The following DKC1 variants were observed in gnomAD, a reference collection of about 807,000 sequenced individuals.
DKC1 encodes H/ACA ribonucleoprotein complex subunit DKC1.
In DKC1, 4 loss-of-function variants were observed where a neutral mutation model predicts 46.7. That is an observed-to-expected ratio of 0.09 (90% CI 0.04 to 0.20). The LOEUF (loss-of-function observed/expected upper bound fraction) is 0.20. Among genes scored for constraint, DKC1 ranks in the 10% least tolerant of loss-of-function variants. The pLI is 1.00. For synonymous variants in DKC1, 141 were observed against 142.4 expected, an observed-to-expected ratio of 0.99 and a Z score of 0.07; for missense variants, 171 against 404.2, an observed-to-expected ratio of 0.42 and a Z score of 4.95.
chrX:154,764,795 AC>A (rs1261916819), intron 1 of DKC1, 103 bp from the exon 2 acceptor site: 2 of 582,128 alleles, frequency 3.4e-6, no homozygotes, highest in East Asian at 3.4e-5. Flanking sequence ...GTAATTGTAG[AC>A]CTAAAATCCA....
chrX:154,776,779 T>C lies in DKC1; in HGVS notation c.1477-20T>C. 8.3e-7 allele frequency: 1 copy of C among 1,198,995 alleles called. No homozygotes were observed. Among genetic ancestry groups the C allele is most frequent in the Admixed American group, 2.2e-5 (1 of 45,836 alleles). On this transcript the variant is annotated intron_variant, in intron 14 of 14. Coordinates refer to ENST00000369550, the MANE Select transcript of DKC1 (RefSeq NM_001363.5). ...TGTTAGTGGATGGTATCTGTGAGCT[T>C]TCATTCTCTTTCTTTCTAGGACAGT...
chrX:154,763,013 C>T (rs1317179222), intron 1 of DKC1, 32 bp downstream of exon 1: 1 of 1,166,076 alleles, frequency 8.6e-7, no homozygotes, highest in Admixed American at 2.5e-5. Flanking sequence ...GCCGTGCTAA[C>T]TCCGGGCGAC....
Position 154,773,256 on chromosome X carries a change from G to T in DKC1, c.1155+7G>T. On this transcript the variant is annotated splice_region_variant and intron_variant, in intron 11 of 14. Coordinates refer to ENST00000369550, the MANE Select transcript of DKC1 (RefSeq NM_001363.5). ...GTGGGGTTTAGGTCCAAAGGTAAGT[G>T]GTACTGGGTTGCGTGCCCTGCCAGG... 1 of 1,036,202 alleles carries T rather than the reference G, an allele frequency of 9.7e-7. No individual in the cohort carries two copies. Among genetic ancestry groups the T allele is most frequent in the Non-Finnish European group, 1.3e-6 (1 of 744,435 alleles). 85.4% of individuals were successfully genotyped at this position (1,036,202 alleles called of 1,213,427 possible).
At chrX:154,774,784 A>C (rs782640773) in intron 12 of DKC1, 79 bp downstream of exon 12, 1 of 884,188 alleles carries the variant, frequency 1.1e-6, no homozygotes, top group African/African-American at 2.0e-5. Context: ...TGTCAACAAC[A>C]GGTGAGGATG....
At position 154,764,209 on chromosome X, in the gene DKC1, TATATATGTATGTA is replaced by T. The variant is rs1345605387; in HGVS notation, c.17-689_17-677del. 4.6e-5 allele frequency among the ~76,000 whole-genome samples: 5 copies of T among 107,887 alleles called. No individual in the cohort carries two copies. The East Asian group carries it at 1.4e-3, about 30-fold the overall frequency. 93.7% of individuals were successfully genotyped at this position (107,887 alleles called of 115,157 possible). On this transcript the variant is annotated intron_variant, in intron 1 of 14. Transcript: ENST00000369550. ...AATATGTGTGTGTATATATGTATAT[TATATATGTATGTA>T]TTATATGTATGTATATTATATATAT...
chrX:154,765,028 T>C, intron 2 of DKC1, 62 bp downstream of exon 2: 2 of 969,131 alleles, frequency 2.1e-6, no homozygotes, highest in Admixed American at 4.4e-5. Flanking sequence ...AATAACAAAC[T>C]AAAGGAAAGA....
intron 9 of DKC1, among the ~76,000 whole-genome samples, chrX:154,770,118 C>T (rs2071802193): frequency 9.0e-6 from 1 of 111,606 alleles, no homozygotes; most frequent in Non-Finnish European, 1.9e-5. Flanking sequence ...TGTTCTTTCT[C>T]CTCATAAGGA....
In DKC1 at chrX:154,770,677, CTTG is replaced by C; in HGVS notation, c.916-77_916-75del. ...GTTTCCTGGTGTCAGGCCCCACTCC[CTTG>C]TTGTCCTCCTTTACTCTGGTGTGGG... On this transcript the variant is annotated intron_variant, in intron 9 of 14. Coordinates refer to ENST00000369550, the MANE Select transcript of DKC1 (RefSeq NM_001363.5). 5.9e-6 allele frequency: 7 copies of C among 1,178,142 alleles called. No individual in the cohort carries two copies. The South Asian group carries it at 1.1e-4, about 18-fold the overall frequency.
At chrX:154,766,553 C>T in intron 5 of DKC1, 153 bp downstream of exon 5, 1 of 547,345 alleles carries the variant, frequency 1.8e-6, no homozygotes, top group Non-Finnish European at 2.9e-6. Flanking sequence ...GTTCTGTCCC[C>T]TGCCAGATCT....
At position 154,768,139 on chromosome X, in the gene DKC1, C is replaced by T. The variant is rs111807979; in HGVS notation, c.641-163C>T. ...TGCTGGAATTACAGGCGTGAGCCACCGTGCCTGGCCAGAATTACAGATCTT... is the reference window on the plus strand; with the variant it reads ...TGCTGGAATTACAGGCGTGAGCCACTGTGCCTGGCCAGAATTACAGATCTT... On this transcript the variant is annotated intron_variant, in intron 7 of 14. Transcript: ENST00000369550. 0.059 allele frequency: 39,424 copies of T among 671,161 alleles called. 945 individuals carry two copies. The highest frequency in any genetic ancestry group is 0.12 in the South Asian group (5,133 of 41,808). The allele number at this position is 671,161 out of a possible 1,213,427, so 55.3% of individuals were successfully genotyped here.
chrX:154,763,016 C>T, intron 1 of DKC1, 35 bp downstream of exon 1: 2 of 1,155,846 alleles, frequency 1.7e-6, no homozygotes, highest in African/African-American at 1.8e-5. Context: ...GTGCTAACTC[C>T]GGGCGACTCG....
At chrX:154,775,593 C>T (rs1196176262) in intron 13 of DKC1, among the ~76,000 whole-genome samples, 1 of 112,129 alleles carries the variant, frequency 8.9e-6, no homozygotes, top group African/African-American at 3.2e-5. Flanking sequence ...AATTCTGGCC[C>T]CCGCCCTGGG....
chrX:154,765,261 T>C, intron 2 of DKC1, 183 bp from the exon 3 acceptor site: 1 of 532,579 alleles, frequency 1.9e-6, no homozygotes, highest in Non-Finnish European at 3.4e-6. Context: ...CCCATCTTAG[T>C]GACATTTCAC....
At chrX:154,771,463 G>A (rs1287899524) in intron 10 of DKC1, among the ~76,000 whole-genome samples, 1 of 107,404 alleles carries the variant, frequency 9.3e-6, no homozygotes, top group Non-Finnish European at 1.9e-5. Flanking sequence ...GATTACAGGT[G>A]TGAGCCACCA....
intron 1 of DKC1, among the ~76,000 whole-genome samples, chrX:154,763,593 C>G (rs1363747152): frequency 8.9e-6 from 1 of 112,082 alleles, no homozygotes; most frequent in African/African-American, 3.2e-5. Flanking sequence ...GCCATGGGAC[C>G]CATACATTTG....
At chrX:154,771,678 C>T (rs921875061) in intron 10 of DKC1, among the ~76,000 whole-genome samples, 4 of 111,525 alleles carry the variant, frequency 3.6e-5, no homozygotes, top group Non-Finnish European at 7.5e-5. Context: ...CTTAATATAA[C>T]GATCTTCAGT....
intron 1 of DKC1, among the ~76,000 whole-genome samples, chrX:154,764,238 TTA>T (rs1197322547): frequency 1.1e-4 from 12 of 107,603 alleles, no homozygotes; most frequent in African/African-American, 3.4e-4. Context: ...TGTATGTATA[TTA>T]TATATATATA....
At chrX:154,776,387 C>T (rs868959915) in intron 14 of DKC1, 63 bp downstream of exon 14, 1 of 1,141,614 alleles carries the variant, frequency 8.8e-7, no homozygotes, top group African/African-American at 1.8e-5. Flanking sequence ...AAAGAATTAC[C>T]CAGGTGGTAC....
intron 7 of DKC1, among the ~76,000 whole-genome samples, chrX:154,767,685 G>A (rs1442552012): frequency 1.8e-5 from 2 of 111,415 alleles, no homozygotes; most frequent in South Asian, 3.7e-4. Flanking sequence ...TGTTTTGCAT[G>A]TGTTTTTTAT....
Sources: allele counts gnomAD v4.1 joint callset (sites outside exome capture counted in the v4.1 genomes callset), GRCh38; gene constraint gnomAD v4.1.1; transcripts MANE v1.5; gene names NCBI Gene and HGNC (gene_info 2026-07-23, HGNC 2026-07-21).